VSX2: variants seen among roughly 807,000 people sequenced by gnomAD.
The protein encoded by VSX2 is ceh-10 homeo domain containing homolog.
In VSX2, 28 loss-of-function variants were observed where a neutral mutation model predicts 32.1. The ratio of observed to expected loss-of-function variants is 0.87; its 90% CI spans 0.65 to 1.20. The LOEUF is 1.20. Among genes scored for constraint, VSX2 ranks in the 50% most tolerant of loss-of-function variants. The pLI is 0.00. For missense variants in VSX2, 506 were observed against 488.7 expected, an observed-to-expected ratio of 1.04 and a Z score of -0.33; for synonymous variants, 243 against 214.1, an observed-to-expected ratio of 1.14 and a Z score of -1.18.
At position 74,259,554 on chromosome 14, in the gene VSX2, C is replaced by T. The variant is rs762076100; in HGVS notation, c.580-48C>T. 12 of 1,612,466 alleles carry T rather than the reference C, an allele frequency of 7.4e-6. No homozygotes were observed. The South Asian group carries it at 1.2e-4, about 16-fold the overall frequency. On this transcript the variant is annotated intron_variant, in intron 3 of 4. Transcript: ENST00000261980. ...GCCTACAAGGGGTAAGGGCCTTGGG[C>T]CCAGCACCTCTCAGAGCAAGCCTCT...
At chr14:74,254,597 G>C (rs2079250352) in intron 3 of VSX2, among the ~76,000 whole-genome samples, 1 of 152,072 alleles carries the variant, frequency 6.6e-6, no homozygotes, top group Non-Finnish European at 1.5e-5. Flanking sequence ...GTCCAGCCTT[G>C]AAGGGCATGT....
At position 74,239,792 on chromosome 14, in the gene VSX2, G is replaced by A. The variant is rs753262258; in HGVS notation, c.231G>A (p.Gly77=). The change falls in exon 1 of 5, where the codon GGG becomes GGA. Residue 77 remains glycine (G), a synonymous_variant. Transcript: ENST00000261980. The part of the protein sequence containing the change: ...VLSPAGVGGM[G]LLGPGGLPGF... ...GCCCCGCGGGGGTGGGCGGCATGGGGCTTCTGGGGCCCGGGGGGCTCCCTG... is the reference window on the plus strand; with the variant it reads ...GCCCCGCGGGGGTGGGCGGCATGGGACTTCTGGGGCCCGGGGGGCTCCCTG... The A allele has an allele frequency of 1.3e-6, 2 of 1,565,272 alleles. No homozygotes were observed. The highest frequency in any genetic ancestry group is 1.3e-5 in the African/African-American group (1 of 74,242).
In VSX2 at chr14:74,239,801, G is replaced by T. The variant is rs1004021129; in HGVS notation, c.240G>T (p.Gly80=). The change falls in exon 1 of 5, where the codon GGG becomes GGT. Residue 80 remains glycine (G), a synonymous_variant. Transcript: ENST00000261980. Reference sequence around the variant, plus strand: ...GGGTGGGCGGCATGGGGCTTCTGGGGCCCGGGGGGCTCCCTGGCTTCTACA... The same window carrying T: ...GGGTGGGCGGCATGGGGCTTCTGGGTCCCGGGGGGCTCCCTGGCTTCTACA... ...PAGVGGMGLL[G]PGGLPGFYTQ... 6.4e-7 allele frequency: 1 copy of T among 1,568,332 alleles called. No homozygotes were observed. The highest frequency in any genetic ancestry group is 8.6e-7 in the Non-Finnish European group (1 of 1,158,026).
chr14:74,245,170 T>C lies in VSX2; in HGVS notation c.461T>C (p.Ile154Thr), dbSNP rs1349120617. 4 of 1,613,620 alleles carry C rather than the reference T, an allele frequency of 2.5e-6. No homozygotes were observed. The Admixed American group carries it at 5.0e-5, about 20-fold the overall frequency. Residue 154 changes from isoleucine (I) to threonine (T), a missense_variant, in exon 3 of 5, where the codon ATC (isoleucine) becomes ACC (threonine). Physicochemically the swap from Ile to Thr is moderately conservative, Grantham distance 89. Coordinates refer to ENST00000261980, the MANE Select transcript of VSX2 (RefSeq NM_182894.3). ...TTCGGTCTTGCTCCCCTCAGGACAA[T>C]CTTTACCTCCTACCAGCTAGAGGAG... is the stretch of plus-strand genomic sequence containing the variant. Reference protein sequence around the residue: ...KKRKKRRHRTIFTSYQLEELE... With the variant: ...KKRKKRRHRTTFTSYQLEELE...
intron 3 of VSX2, among the ~76,000 whole-genome samples, chr14:74,248,391 G>C (rs1481104708): frequency 7.3e-6 from 1 of 136,254 alleles, no homozygotes; most frequent in African/African-American, 2.7e-5. Flanking sequence ...TGGAAGAAAA[G>C]AAAAGAAATT....
At chr14:74,250,939 G>A (rs2079224292) in intron 3 of VSX2, among the ~76,000 whole-genome samples, 1 of 150,986 alleles carries the variant, frequency 6.6e-6, no homozygotes, top group Admixed American at 6.6e-5. Context: ...GAGCCACCGC[G>A]CCAAACCCCA....
chr14:74,254,420 TA>T (rs201411456), intron 3 of VSX2, among the ~76,000 whole-genome samples: 13 of 149,392 alleles, frequency 8.7e-5, no homozygotes, highest in African/African-American at 2.9e-4. Context: ...GTCTCAAATT[TA>T]AAAAAAAAGA....
At chr14:74,256,300 G>C (rs192464740) in intron 3 of VSX2, among the ~76,000 whole-genome samples, 1 of 152,054 alleles carries the variant, frequency 6.6e-6, no homozygotes, top group Non-Finnish European at 1.5e-5. Context: ...GTGTGGTGGC[G>C]GGCACCTGTA....
Position 74,259,642 on chromosome 14 carries a change from A to T in VSX2, c.620A>T (p.Glu207Val), listed in dbSNP as rs1400175975. Reference protein sequence around the residue: ...QNRRAKWRKREKCWGRSSVMA... With the variant: ...QNRRAKWRKRVKCWGRSSVMA... The stretch of plus-strand genomic sequence containing the variant: ...CGTCGAGCCAAGTGGAGGAAGCGGG[A>T]GAAGTGCTGGGGCCGGAGCAGTGTC... The change falls in exon 4 of 5, where the codon GAG (glutamate) becomes GTG (valine). Residue 207 changes from glutamate to valine, a missense_variant. Coordinates refer to ENST00000261980, the MANE Select transcript of VSX2 (RefSeq NM_182894.3). 1 of 1,614,160 alleles carries T rather than the reference A, an allele frequency of 6.2e-7. No homozygotes were observed. Among genetic ancestry groups the T allele is most frequent in the Non-Finnish European group, 8.5e-7 (1 of 1,180,006 alleles).
At position 74,260,919 on chromosome 14, in the gene VSX2, G is replaced by C. The variant is rs1193237728; in HGVS notation, c.1086G>C (p.Ter362TyrextTer61). 7.1e-6 allele frequency: 11 copies of C among 1,555,606 alleles called. No individual in the cohort carries two copies. The highest frequency in any genetic ancestry group is 9.6e-6 in the Non-Finnish European group (11 of 1,150,552). ...LSPPQLEDMA* is the reference protein window; with the variant it reads ...LSPPQLEDMAY ...CACCGCAGCTGGAGGACATGGCTTAGGTCAAGGCGCGCTCAGATGCCGGAG... is the reference window on the plus strand; with the variant it reads ...CACCGCAGCTGGAGGACATGGCTTACGTCAAGGCGCGCTCAGATGCCGGAG... Residue 362 changes from the stop codon to tyrosine, a stop_lost, in exon 5 of 5, where the codon TAG becomes TAC. Transcript: ENST00000261980.
At chr14:74,248,946 G>A (rs998748222) in intron 3 of VSX2, among the ~76,000 whole-genome samples, 2 of 152,154 alleles carry the variant, frequency 1.3e-5, no homozygotes, top group African/African-American at 4.8e-5. Context: ...TGGGGGTGCA[G>A]GGCAGGTTAA....
rs1594757584 is a variant in VSX2, at chr14:74,255,574, CA to C, written c.580-4027del. 2.0e-5 allele frequency among the ~76,000 whole-genome samples: 3 copies of C among 152,272 alleles called. No individual in the cohort carries two copies. The East Asian group carries it at 5.8e-4, about 29-fold the overall frequency. ...ATTCATTTGCCCAAATTAGGAGACC[CA>C]GGAAAATAGTTCTGTTTATAGGCCC... On this transcript the variant is annotated intron_variant, in intron 3 of 4. Transcript: ENST00000261980.
chr14:74,257,466 G>C (rs887595644), intron 3 of VSX2, among the ~76,000 whole-genome samples: 1 of 152,266 alleles, frequency 6.6e-6, no homozygotes, highest in Non-Finnish European at 1.5e-5. Context: ...ATCTAAGGCC[G>C]TGTAGCTCCC....
At chr14:74,241,082 C>T in intron 1 of VSX2, 100 bp from the exon 2 acceptor site, 5 of 1,279,136 alleles carry the variant, frequency 3.9e-6, no homozygotes, top group Non-Finnish European at 5.6e-6. Context: ...AGCAGGTCCC[C>T]GCCGCTCGCG....
In VSX2 at chr14:74,260,839, A is replaced by C. The variant is rs757639520; in HGVS notation, c.1006A>C (p.Lys336Gln). The change falls in exon 5 of 5, where the codon AAG becomes CAG. Residue 336 changes from lysine (K) to glutamine (Q), a missense_variant. By Grantham distance (53) the Lys-to-Gln change is moderately conservative (BLOSUM62 1). Transcript: ENST00000261980. ...GPDSLARSTE[K>Q]PEEEEAMDED... is the part of the protein sequence containing the mutation. ...GGACAGCCTGGCCCGGAGTACCGAG[A>C]AGCCAGAGGAGGAGGAGGCCATGGA... is the stretch of plus-strand genomic sequence containing the variant. 2 of 1,566,858 alleles carry C rather than the reference A, an allele frequency of 1.3e-6. No homozygotes were observed. Among genetic ancestry groups the C allele is most frequent in the Non-Finnish European group, 1.7e-6 (2 of 1,155,982 alleles).
chr14:74,246,072 G>C (rs1043373919), intron 3 of VSX2, among the ~76,000 whole-genome samples: 1 of 152,226 alleles, frequency 6.6e-6, no homozygotes, highest in Non-Finnish European at 1.5e-5. Context: ...CATTTCTCTG[G>C]GGGAGGATGG....
rs1594756715 is a variant in VSX2, at chr14:74,252,582, G to A, written c.580-7020G>A. 3.9e-5 allele frequency among the ~76,000 whole-genome samples: 6 copies of A among 151,924 alleles called. No individual in the cohort carries two copies. In the South Asian group the frequency reaches 1.2e-3, roughly 32 times the overall value. The stretch of plus-strand genomic sequence containing the variant: ...ATTTTTGTATTTTTAGTAGAGACGG[G>A]GTTCCACCATGTTGGCCAGGGTGGT... On this transcript the variant is annotated intron_variant, in intron 3 of 4. Transcript: ENST00000261980.
rs537753574 is a variant in VSX2, at chr14:74,254,784, A to ATTTTTTTTTTTTTTTTTTTTTTTTTT, written c.580-4805_580-4804insTTTTTTTTTTTTTTTTTTTTTTTTTT. ...ATCCTCCAAAAACCCCGAAAAGTGG[A>ATTTTTTTTTTTTTTTTTTTTTTTTTT]TTTTTTTTTTTTTGAGACGCAGTCT... On this transcript the variant is annotated intron_variant, in intron 3 of 4. Coordinates refer to ENST00000261980, the MANE Select transcript of VSX2 (RefSeq NM_182894.3). 2.7e-3 allele frequency among the ~76,000 whole-genome samples: 312 copies of ATTTTTTTTTTTTTTTTTTTTTTTTTT among 116,492 alleles called. 51 individuals carry two copies. Among genetic ancestry groups the ATTTTTTTTTTTTTTTTTTTTTTTTTT allele is most frequent in the Middle Eastern group, 0.019 (3 of 160 alleles). 76.4% of individuals were successfully genotyped at this position (116,492 alleles called of 152,430 possible). A position where few individuals can be genotyped will look rare whatever the true frequency, so the allele number is the denominator to read the frequency against.
chr14:74,260,844 A>AGAG lies in VSX2; in HGVS notation c.1022_1024dup (p.Glu341dup), dbSNP rs144220788. 2,023 of 1,567,122 alleles carry AGAG rather than the reference A, an allele frequency of 1.3e-3. 28 individuals carry two copies. The African/African-American group carries it at 0.025, about 19-fold the overall frequency. On this transcript the variant is annotated inframe_insertion, in exon 5 of 5. Transcript: ENST00000261980. ...GCCTGGCCCGGAGTACCGAGAAGCC[A>AGAG]GAGGAGGAGGAGGCCATGGATGAAG...
Sources: gnomAD v4.1 joint callset for allele counts (sites outside exome capture counted in the v4.1 genomes callset) on GRCh38, gnomAD v4.1.1 for gene constraint, MANE v1.5 for transcripts, NCBI Gene and HGNC (gene_info 2026-07-23, HGNC 2026-07-21) for gene names.